PGAM1: variants seen among roughly 807,000 people sequenced by gnomAD.
The protein encoded by PGAM1 is BPG-dependent PGAM 1.
A neutral mutation model predicts 23.5 loss-of-function variants in PGAM1; 21 were observed. That is an observed-to-expected ratio of 0.89 (90% CI 0.63 to 1.29). PGAM1 has a LOEUF of 1.29. PGAM1 is among the 50% of genes most tolerant of loss of function. The pLI, the probability that PGAM1 is intolerant of heterozygous loss-of-function variation, is 0.00. For synonymous variants in PGAM1, 109 were observed against 128.6 expected, an observed-to-expected ratio of 0.85 and a Z score of 1.03; for missense variants, 232 against 336.3, an observed-to-expected ratio of 0.69 and a Z score of 2.42.
At chr10:97,427,951 TGGGGTGGGCA>T in intron 1 of PGAM1, 1 of 998,202 alleles carries the variant, frequency 1.0e-6, no homozygotes, top group Non-Finnish European at 1.4e-6. Flanking sequence ...CTCTGCGGGG[TGGGGTGGGCA>T]GGGGAGTGAT....
At position 97,433,406 on chromosome 10, in the gene PGAM1, T is replaced by C. The variant is rs899491585; in HGVS notation, c.*882T>C. The C allele has an allele frequency of 1.3e-5, 2 of 152,600 alleles. No homozygotes were observed. The highest frequency in any genetic ancestry group is 4.8e-5 in the African/African-American group (2 of 41,448). The allele number at this position is 152,600 out of a possible 1,614,324, so 9.5% of individuals were successfully genotyped here. ...TGAGCATAACTGTACTAAATCCTTTTTCCATATCAGTATAATAAAGGAGTG... is the reference window on the plus strand; with the variant it reads ...TGAGCATAACTGTACTAAATCCTTTCTCCATATCAGTATAATAAAGGAGTG... On this transcript the variant is annotated 3_prime_UTR_variant, in exon 4 of 4. Transcript: ENST00000334828.
Position 97,430,365 on chromosome 10 carries a change from C to T in PGAM1, c.140-14C>T, listed in dbSNP as rs1213754406. The T allele has an allele frequency of 1.2e-6, 2 of 1,611,892 alleles. No homozygotes were observed. The highest frequency in any genetic ancestry group is 1.7e-6 in the Non-Finnish European group (2 of 1,179,864). ...GACCTGGTTAGCTTATCACTTTGAACTTCTGATTTCCAGATGCTGGCTATG... is the reference window on the plus strand; with the variant it reads ...GACCTGGTTAGCTTATCACTTTGAATTTCTGATTTCCAGATGCTGGCTATG... On this transcript the variant is annotated splice_polypyrimidine_tract_variant and intron_variant, in intron 1 of 3. Transcript: ENST00000334828.
intron 1 of PGAM1, chr10:97,427,704 A>C: frequency 8.1e-7 from 1 of 1,237,706 alleles, no homozygotes; most frequent in East Asian, 5.7e-5. Context: ...CTAATAAGGA[A>C]GCATTCCCTG....
intron 1 of PGAM1, among the ~76,000 whole-genome samples, chr10:97,429,933 C>T (rs1443115673): frequency 1.3e-5 from 2 of 151,262 alleles, no homozygotes; most frequent in African/African-American, 2.4e-5. Flanking sequence ...GTATCCTCAG[C>T]TTACTTGGGA....
At chr10:97,429,854 T>A (rs1287146015) in intron 1 of PGAM1, among the ~76,000 whole-genome samples, 9 of 152,066 alleles carry the variant, frequency 5.9e-5, no homozygotes, top group African/African-American at 2.2e-4. Context: ...ATTCCCAGTC[T>A]GGGCAACATG....
intron 1 of PGAM1, among the ~76,000 whole-genome samples, chr10:97,428,833 C>G (rs532829164): frequency 1.3e-5 from 2 of 152,252 alleles, no homozygotes; most frequent in African/African-American, 4.8e-5. Context: ...AGCCCTCACT[C>G]AGTAAGAATG....
intron 1 of PGAM1, among the ~76,000 whole-genome samples, chr10:97,428,716 G>A (rs1845437664): frequency 6.6e-6 from 1 of 152,140 alleles, no homozygotes; most frequent in Non-Finnish European, 1.5e-5. Context: ...TTACAGTTAG[G>A]AAGGCGACAG....
chr10:97,431,917 A>T (rs886334497), intron 3 of PGAM1, among the ~76,000 whole-genome samples: 4 of 151,832 alleles, frequency 2.6e-5, no homozygotes, highest in Non-Finnish European at 1.5e-5. Flanking sequence ...AAACAAATAT[A>T]TATAAAAGAA....
intron 2 of PGAM1, 114 bp from the exon 3 acceptor site, chr10:97,430,841 A>G (rs1184672390): frequency 6.6e-7 from 1 of 1,512,206 alleles, no homozygotes; most frequent in Non-Finnish European, 9.1e-7. Context: ...GTGTTTCCAT[A>G]GTCAGATTTT....
At position 97,433,381 on chromosome 10, in the gene PGAM1, T is replaced by A. The variant is rs369022558; in HGVS notation, c.*857T>A. On this transcript the variant is annotated 3_prime_UTR_variant, in exon 4 of 4. Transcript: ENST00000334828. ...CTGCCACATGGGTCCAGTGTTCATC[T>A]GAGCATAACTGTACTAAATCCTTTT... 1.3e-3 allele frequency: 197 copies of A among 152,650 alleles called. No homozygotes were observed. Among genetic ancestry groups the A allele is most frequent in the African/African-American group, 4.6e-3 (190 of 41,546 alleles). The allele number at this position is 152,650 out of a possible 1,614,324, so 9.5% of individuals were successfully genotyped here.
chr10:97,428,845 GTTC>G (rs1314478297), intron 1 of PGAM1, among the ~76,000 whole-genome samples: 3 of 152,114 alleles, frequency 2.0e-5, no homozygotes, highest in Admixed American at 6.5e-5. Flanking sequence ...GTAAGAATGA[GTTC>G]TTCTTGGCCT....
At chr10:97,428,205 G>A (rs1219508778) in intron 1 of PGAM1, among the ~76,000 whole-genome samples, 2 of 152,148 alleles carry the variant, frequency 1.3e-5, no homozygotes, top group Non-Finnish European at 2.9e-5. Flanking sequence ...TAAAATAAAT[G>A]TTAGCATTAA....
At chr10:97,432,276 T>G (rs1014366341) in intron 3 of PGAM1, 79 bp from the exon 4 acceptor site, 11 of 1,584,344 alleles carry the variant, frequency 6.9e-6, no homozygotes, top group Non-Finnish European at 9.5e-6. Context: ...AAGTCCTTTA[T>G]CACCTGGAGG....
Position 97,430,829 on chromosome 10 carries a change from TTG to T in PGAM1, c.415-122_415-121del, listed in dbSNP as rs1035069812. The stretch of plus-strand genomic sequence containing the variant: ...GGTTGATAGTTTACTATCTCCTTTT[TTG>T]TGTTTCCATAGTCAGATTTTATAAA... On this transcript the variant is annotated intron_variant, in intron 2 of 3. Transcript: ENST00000334828. 78 of 1,490,362 alleles carry T rather than the reference TTG, an allele frequency of 5.2e-5. No individual in the cohort carries two copies. The African/African-American group carries it at 8.6e-4, about 16-fold the overall frequency. The allele number at this position is 1,490,362 out of a possible 1,614,324, so 92.3% of individuals were successfully genotyped here. A position where few individuals can be genotyped will look rare whatever the true frequency, so the allele number is the denominator to read the frequency against.
At chr10:97,430,908 A>G (rs371727076) in intron 2 of PGAM1, 47 bp from the exon 3 acceptor site, 4 of 1,608,652 alleles carry the variant, frequency 2.5e-6, no homozygotes, top group Non-Finnish European at 3.4e-6. Flanking sequence ...GTCTTTTAAC[A>G]GATGTAACTC....
At position 97,426,313 on chromosome 10, in the gene PGAM1, C is replaced by G. The variant is rs762556490; in HGVS notation, c.6C>G (p.Ala2=). The G allele has an allele frequency of 6.2e-7, 1 of 1,610,358 alleles. No homozygotes were observed. Among genetic ancestry groups the G allele is most frequent in the African/African-American group, 1.3e-5 (1 of 74,794 alleles). ...CGCATCCCCAGCCCGCCGCCATGGC[C>G]GCCTACAAACTGGTGCTGATCCGGC... M[A]AYKLVLIRHG... is the part of the protein sequence containing the mutation. Residue 2 remains alanine, a synonymous_variant, in exon 1 of 4, where the codon GCC becomes GCG. Transcript: ENST00000334828.
At chr10:97,431,865 G>T (rs1845474641) in intron 3 of PGAM1, among the ~76,000 whole-genome samples, 1 of 151,466 alleles carries the variant, frequency 6.6e-6, no homozygotes, top group Non-Finnish European at 1.5e-5. Context: ...TCTAGCCTGG[G>T]TGAGAGAGTA....
chr10:97,429,947 TGAG>T (rs909924319), intron 1 of PGAM1, among the ~76,000 whole-genome samples: 10 of 148,110 alleles, frequency 6.8e-5, no homozygotes, highest in South Asian at 2.1e-4. Flanking sequence ...CTTGGGAGGC[TGAG>T]GAGAAGAATT....
intron 1 of PGAM1, chr10:97,427,956 TG>T: frequency 1.2e-6 from 1 of 864,528 alleles, no homozygotes; most frequent in Non-Finnish European, 1.7e-6. Context: ...CGGGGTGGGG[TG>T]GGCAGGGGAG....
Sources: allele counts gnomAD v4.1 joint callset (sites outside exome capture counted in the v4.1 genomes callset), GRCh38; gene constraint gnomAD v4.1.1; transcripts MANE v1.5; gene names NCBI Gene and HGNC (gene_info 2026-07-23, HGNC 2026-07-21).